Variants in CGNL1 observed in about 807,000 individuals in gnomAD.
CGNL1 encodes cingulin-like protein 1.
In CGNL1, 132 loss-of-function variants were observed where a neutral mutation model predicts 141.2. The observed-to-expected ratio is 0.93, with a 90% CI of 0.81 to 1.08. CGNL1 has a LOEUF of 1.08. Among genes scored for constraint, CGNL1 ranks in the 50% least tolerant of loss-of-function variants. The pLI, the probability that CGNL1 is intolerant of heterozygous loss-of-function variation, is 0.00. For synonymous variants in CGNL1, 690 were observed against 622.1 expected (o/e 1.11, Z -1.63); for missense variants, 1,870 against 1,588.6 (o/e 1.18, Z -3.01).
chr15:57,545,570 G>C (rs771750926), intron 16 of CGNL1, 22 bp from the exon 17 acceptor site: 2 of 1,602,516 alleles, frequency 1.2e-6, no homozygotes, highest in South Asian at 1.1e-5. Flanking sequence ...GAGGGTTCTT[G>C]GTTCTGTCTC....
At chr15:57,415,615 C>T (rs553197441) in intron 1 of CGNL1, among the ~76,000 whole-genome samples, 3 of 152,270 alleles carry the variant, frequency 2.0e-5, no homozygotes, top group South Asian at 4.1e-4. Flanking sequence ...CAGATTCTAC[C>T]CACCCTCTTG....
chr15:57,420,556 G>A (rs181900153), intron 1 of CGNL1, among the ~76,000 whole-genome samples: 4 of 152,154 alleles, frequency 2.6e-5, no homozygotes, highest in East Asian at 1.9e-4. Flanking sequence ...TACACATATA[G>A]TGGTTTCGGA....
intron 1 of CGNL1, among the ~76,000 whole-genome samples, chr15:57,433,444 G>A (rs1481506968): frequency 6.6e-6 from 1 of 152,200 alleles, no homozygotes; most frequent in African/African-American, 2.4e-5. Context: ...GGCTTTGGTG[G>A]CAACTCCTGC....
rs2032737150 is a variant in CGNL1, at chr15:57,544,407, T to C, written c.3376-66T>C. 4 of 1,588,604 alleles carry C rather than the reference T, an allele frequency of 2.5e-6. No individual in the cohort carries two copies. The South Asian group carries it at 4.6e-5, about 18-fold the overall frequency. ...CCAAACACCAGGTTCTGCCCCATAT[T>C]CTTCGCTGCTCTGCACAGAGCGTGG... is the stretch of plus-strand genomic sequence containing the variant. On this transcript the variant is annotated intron_variant, in intron 15 of 18. Transcript: ENST00000281282.
At chr15:57,465,332 T>C (rs1169500049) in intron 8 of CGNL1, among the ~76,000 whole-genome samples, 1 of 151,988 alleles carries the variant, frequency 6.6e-6, no homozygotes, top group Non-Finnish European at 1.5e-5. Flanking sequence ...CTTAGATTTT[T>C]CCTGCCCCAG....
In CGNL1 at chr15:57,438,027, C is replaced by T; in HGVS notation, c.28C>T (p.His10Tyr). 2 of 1,613,236 alleles carry T rather than the reference C, an allele frequency of 1.2e-6. No homozygotes were observed. Among genetic ancestry groups the T allele is most frequent in the Non-Finnish European group, 1.7e-6 (2 of 1,179,960 alleles). The change falls in exon 2 of 19, where the codon CAT (histidine) becomes TAT (tyrosine). Residue 10 changes from histidine (H) to tyrosine (Y), a missense_variant. His to Tyr is a moderately conservative substitution (Grantham distance 83, BLOSUM62 2). Transcript: ENST00000281282. ...GGAGCTGTATTTCGGTGAATATCAA[C>T]ATGTGCAGCAGGAATATGGGGTCCA... The part of the protein sequence containing the change: MELYFGEYQ[H>Y]VQQEYGVHLR...
intron 14 of CGNL1, among the ~76,000 whole-genome samples, chr15:57,542,439 A>G (rs1324007296): frequency 6.6e-6 from 1 of 152,062 alleles, no homozygotes; most frequent in African/African-American, 2.4e-5. Context: ...CTCATAACTC[A>G]TTTTACTCTT....
At chr15:57,449,451 G>A (rs764595927) in intron 4 of CGNL1, among the ~76,000 whole-genome samples, 3 of 152,146 alleles carry the variant, frequency 2.0e-5, no homozygotes, top group African/African-American at 4.8e-5. Flanking sequence ...AGTGGAAAGT[G>A]CAGACAGTTC....
intron 8 of CGNL1, among the ~76,000 whole-genome samples, chr15:57,496,346 G>A (rs1742483177): frequency 6.6e-6 from 1 of 152,126 alleles, no homozygotes; most frequent in African/African-American, 2.4e-5. Context: ...CCAGCCCTCA[G>A]GCCATGGACT....
At chr15:57,487,666 G>A (rs1260362669) in intron 8 of CGNL1, among the ~76,000 whole-genome samples, 4 of 152,202 alleles carry the variant, frequency 2.6e-5, no homozygotes, top group Non-Finnish European at 5.9e-5. Context: ...GAATTGTGAT[G>A]AGTTGCTAGC....
chr15:57,433,820 C>T (rs1031721670), intron 1 of CGNL1, among the ~76,000 whole-genome samples: 3 of 152,138 alleles, frequency 2.0e-5, no homozygotes, highest in Non-Finnish European at 2.9e-5. Flanking sequence ...AGCAGCCAGG[C>T]GTGTGCAGCC....
At chr15:57,407,087 C>G (rs1309232547) in intron 1 of CGNL1, 1 of 152,168 alleles carries the variant, frequency 6.6e-6, no homozygotes, top group South Asian at 2.1e-4. Flanking sequence ...CTGTCACTTG[C>G]CCCTGCTGTT....
chr15:57,475,924 C>T (rs973090211), intron 8 of CGNL1, among the ~76,000 whole-genome samples: 1 of 152,168 alleles, frequency 6.6e-6, no homozygotes, highest in Non-Finnish European at 1.5e-5. Context: ...TGGGTCCACC[C>T]AGCAGCTGCT....
intron 1 of CGNL1, among the ~76,000 whole-genome samples, chr15:57,428,878 C>G (rs1190776846): frequency 6.6e-6 from 1 of 151,968 alleles, no homozygotes; most frequent in African/African-American, 2.4e-5. Flanking sequence ...CAAAAATTAG[C>G]TGGGTGTGGC....
chr15:57,474,195 G>A (rs1410795075), intron 8 of CGNL1, among the ~76,000 whole-genome samples: 7 of 152,112 alleles, frequency 4.6e-5, no homozygotes, highest in African/African-American at 1.4e-4. Context: ...ACAGGTGTAA[G>A]CCACCGTGCC....
At chr15:57,388,492 G>C (rs974691835) in intron 1 of CGNL1, among the ~76,000 whole-genome samples, 10 of 152,202 alleles carry the variant, frequency 6.6e-5, no homozygotes, top group African/African-American at 2.4e-4. Context: ...CCGGGGTTCT[G>C]TTCTATGAAT....
chr15:57,518,857 T>G (rs980934898), intron 10 of CGNL1, among the ~76,000 whole-genome samples: 2 of 152,354 alleles, frequency 1.3e-5, no homozygotes, highest in Admixed American at 1.3e-4. Context: ...GCCCTCCGTT[T>G]AGACGTTAAA....
rs1283455187 is a variant in CGNL1, at chr15:57,523,365, T to G, written c.2716-124T>G. The G allele has an allele frequency of 7.8e-6, 6 of 773,058 alleles. No homozygotes were observed. The African/African-American group carries it at 1.0e-4, about 14-fold the overall frequency. The allele number at this position is 773,058 out of a possible 1,614,324, so 47.9% of individuals were successfully genotyped here. Reference sequence around the variant, plus strand: ...TCTGACAGCTTTATTTTGATCTTCTTCCTCATCACGGATTTAACAGATCTG... The same window carrying G: ...TCTGACAGCTTTATTTTGATCTTCTGCCTCATCACGGATTTAACAGATCTG... On this transcript the variant is annotated intron_variant, in intron 10 of 18. Transcript: ENST00000281282.
chr15:57,430,924 G>A (rs2063037245), intron 1 of CGNL1, among the ~76,000 whole-genome samples: 1 of 152,042 alleles, frequency 6.6e-6, no homozygotes, highest in South Asian at 2.1e-4. Context: ...ATTTTGCTAT[G>A]TTGGCCAGGC....
Sources: allele counts gnomAD v4.1 joint callset (sites outside exome capture counted in the v4.1 genomes callset), GRCh38; gene constraint gnomAD v4.1.1; transcripts MANE v1.5; gene names NCBI Gene and HGNC (gene_info 2026-07-23, HGNC 2026-07-21).